The following ARHGEF3 variants were observed in gnomAD, a reference collection of about 807,000 sequenced individuals.
ARHGEF3 encodes the protein Rho guanine nucleotide exchange factor 3, also known as 59.8 kDA protein.
Under a neutral mutation model 63.2 loss-of-function variants are expected in ARHGEF3, and 28 were observed. The observed-to-expected ratio is 0.44, with a 90% CI of 0.33 to 0.61. The LOEUF (loss-of-function observed/expected upper bound fraction) is 0.61. Among genes scored for constraint, ARHGEF3 ranks in the 20% least tolerant of loss-of-function variants. The pLI is 0.03. For missense variants in ARHGEF3, 533 were observed against 659.3 expected, an observed-to-expected ratio of 0.81 and a Z score of 2.10; for synonymous variants, 266 against 254.2, an observed-to-expected ratio of 1.05 and a Z score of -0.44.
At chr3:56,734,079 C>G (rs1270785055) in intron 8 of ARHGEF3, among the ~76,000 whole-genome samples, 1 of 149,882 alleles carries the variant, frequency 6.7e-6, no homozygotes, top group African/African-American at 2.5e-5. Flanking sequence ...AAGTTGACGA[C>G]TGATGTGTGT....
At chr3:56,892,418 G>A (rs1406181775) in intron 3 of ARHGEF3, among the ~76,000 whole-genome samples, 2 of 152,088 alleles carry the variant, frequency 1.3e-5, no homozygotes, top group Admixed American at 1.3e-4. Flanking sequence ...TGGTTCTCAG[G>A]TACACCAGAT....
At chr3:56,889,333 C>T (rs774284170) in intron 3 of ARHGEF3, among the ~76,000 whole-genome samples, 1 of 152,148 alleles carries the variant, frequency 6.6e-6, no homozygotes, top group Non-Finnish European at 1.5e-5. Flanking sequence ...GTGGTCCAAG[C>T]CTGAATAGCG....
chr3:56,737,451 C>G (rs1228181271), intron 7 of ARHGEF3, 96 bp from the exon 8 acceptor site: 2 of 947,888 alleles, frequency 2.1e-6, no homozygotes, highest in Non-Finnish European at 3.1e-6. Flanking sequence ...CCAGGACACA[C>G]CTGGATCTAA....
At chr3:56,966,874 T>A (rs903814299) in intron 2 of ARHGEF3, among the ~76,000 whole-genome samples, 19 of 150,434 alleles carry the variant, frequency 1.3e-4, no homozygotes, top group African/African-American at 4.4e-4. Flanking sequence ...TATTATTATT[T>A]TTTATTGAGA....
At position 56,732,419 on chromosome 3, in the gene ARHGEF3, C is replaced by T; in HGVS notation, c.1047G>A (p.Leu349=). 1 of 1,614,124 alleles carries T rather than the reference C, an allele frequency of 6.2e-7. No individual in the cohort carries two copies. The highest frequency in any genetic ancestry group is 8.5e-7 in the Non-Finnish European group (1 of 1,180,010). Reference sequence around the variant, plus strand: ...GCACTTCTTGGAACAGGAAAACATGCAGTTTCTAGAAGAAAAAAATCCACA... The same window carrying T: ...GCACTTCTTGGAACAGGAAAACATGTAGTTTCTAGAAGAAAAAAATCCACA... ...GELKNNRGVK[L]HVFLFQEVLV... is the part of the protein sequence containing the mutation. Residue 349 remains leucine (L), a synonymous_variant, in exon 9 of 10, where the codon CTG becomes CTA. Coordinates refer to ENST00000296315, the MANE Select transcript of ARHGEF3 (RefSeq NM_019555.3).
At chr3:57,073,702 G>A in intron 1 of ARHGEF3, 1 of 1,613,444 alleles carries the variant, frequency 6.2e-7, no homozygotes, top group Non-Finnish European at 8.5e-7. Context: ...CCCATGTCCA[G>A]TTCTGCTCTG....
intron 8 of ARHGEF3, among the ~76,000 whole-genome samples, chr3:56,736,177 C>T (rs951242714): frequency 1.2e-4 from 19 of 152,030 alleles, no homozygotes; most frequent in African/African-American, 4.6e-4. Flanking sequence ...TCCTTTTAAA[C>T]AAGCATTCAT....
At chr3:56,831,989 A>G (rs1429829699) in intron 4 of ARHGEF3, among the ~76,000 whole-genome samples, 1 of 152,178 alleles carries the variant, frequency 6.6e-6, no homozygotes, top group Admixed American at 6.5e-5. Flanking sequence ...GAGAACTTTG[A>G]CGTTCTTCCT....
chr3:56,954,234 C>G (rs72870592), intron 3 of ARHGEF3, among the ~76,000 whole-genome samples: 122 of 152,300 alleles, frequency 8.0e-4, no homozygotes, highest in African/African-American at 2.8e-3. Flanking sequence ...TCCTAGTTAA[C>G]TTACAGGCAA....
At chr3:56,920,456 C>T (rs368178289) in intron 3 of ARHGEF3, among the ~76,000 whole-genome samples, 1 of 152,162 alleles carries the variant, frequency 6.6e-6, no homozygotes, top group Admixed American at 6.5e-5. Context: ...CAAGCAATTT[C>T]CTTACCAAAG....
chr3:56,971,776 C>G (rs1445997672), intron 2 of ARHGEF3, among the ~76,000 whole-genome samples: 1 of 151,954 alleles, frequency 6.6e-6, no homozygotes, highest in African/African-American at 2.4e-5. Flanking sequence ...ATGGCGTGAA[C>G]CCAGGAGGTG....
At chr3:56,894,832 T>G (rs1012184846) in intron 3 of ARHGEF3, among the ~76,000 whole-genome samples, 2 of 152,186 alleles carry the variant, frequency 1.3e-5, no homozygotes, top group African/African-American at 2.4e-5. Flanking sequence ...AAATGCTGGA[T>G]AAACATGCTT....
chr3:56,739,043 C>T (rs916029997), intron 7 of ARHGEF3, among the ~76,000 whole-genome samples: 5 of 151,924 alleles, frequency 3.3e-5, no homozygotes, highest in Admixed American at 6.6e-5. Context: ...TGCAGTGAGC[C>T]GAGATCACGC....
intron 2 of ARHGEF3, among the ~76,000 whole-genome samples, chr3:56,971,933 C>G (rs997171580): frequency 1.4e-5 from 2 of 147,868 alleles, no homozygotes; most frequent in African/African-American, 4.9e-5. Flanking sequence ...GTGTGGTTCC[C>G]TTGTCTCCTC....
At chr3:57,023,319 T>C (rs1703335189) in intron 2 of ARHGEF3, among the ~76,000 whole-genome samples, 1 of 152,192 alleles carries the variant, frequency 6.6e-6, no homozygotes, top group Non-Finnish European at 1.5e-5. Flanking sequence ...AGTTCACCTC[T>C]CTCCATTGGT....
chr3:57,053,092 G>A (rs1704744575), intron 1 of ARHGEF3, among the ~76,000 whole-genome samples: 1 of 152,226 alleles, frequency 6.6e-6, no homozygotes, highest in South Asian at 2.1e-4. Context: ...CTGCCTGCTA[G>A]GCAGGTTCCC....
Position 56,951,853 on chromosome 3 carries a change from C to T in ARHGEF3, c.129+6970G>A, listed in dbSNP as rs560248861. 2.5e-3 allele frequency among the ~76,000 whole-genome samples: 386 copies of T among 152,056 alleles called. 2 individuals are homozygous for T. The highest frequency in any genetic ancestry group is 3.6e-3 in the Non-Finnish European group (246 of 68,022). On this transcript the variant is annotated intron_variant, in intron 3 of 12. Transcript: ENST00000338458. ...ACAAAAGAAAAGTTCCAAACAGATG[C>T]TGGCCAAGAACATGTGCTTTGGAAT...
At chr3:56,851,851 C>T (rs934810070) in intron 4 of ARHGEF3, among the ~76,000 whole-genome samples, 3 of 152,200 alleles carry the variant, frequency 2.0e-5, no homozygotes, top group African/African-American at 4.8e-5. Context: ...TCAAGTGATC[C>T]ACCCACCTCA....
chr3:56,835,203 C>T (rs1038212813), intron 4 of ARHGEF3, among the ~76,000 whole-genome samples: 1 of 151,968 alleles, frequency 6.6e-6, no homozygotes, highest in Non-Finnish European at 1.5e-5. Flanking sequence ...GAGATGAAGT[C>T]TTGCTCTTGT....
Sources: allele counts gnomAD v4.1 joint callset (sites outside exome capture counted in the v4.1 genomes callset), GRCh38; gene constraint gnomAD v4.1.1; transcripts MANE v1.5; gene names NCBI Gene and HGNC (gene_info 2026-07-23, HGNC 2026-07-21).